CDON: variants seen among roughly 807,000 people sequenced by gnomAD.
CDON encodes cell adhesion associated, oncogene regulated.
A neutral mutation model predicts 120.9 loss-of-function variants in CDON; 73 were observed. The observed-to-expected ratio is 0.60, with a 90% CI of 0.50 to 0.73. CDON has a LOEUF of 0.73. Among genes scored for constraint, CDON ranks in the 30% least tolerant of loss-of-function variants. The probability of loss-of-function intolerance (pLI) is 0.00; values close to 1 mark genes in which losing one functional copy is unlikely to be tolerated. For missense variants in CDON, 1,470 were observed against 1,587.3 expected, an observed-to-expected ratio of 0.93 and a Z score of 1.26; for synonymous variants, 566 against 573.5, an observed-to-expected ratio of 0.99 and a Z score of 0.19.
chr11:125,976,804 T>C (rs745986274), intron 18 of CDON, among the ~76,000 whole-genome samples: 7 of 152,168 alleles, frequency 4.6e-5, no homozygotes, highest in Non-Finnish European at 8.8e-5. Flanking sequence ...TTGGGAGCAA[T>C]CTTACATTAC....
At chr11:126,056,740 G>C (rs1948690396) in intron 1 of CDON, among the ~76,000 whole-genome samples, 1 of 152,156 alleles carries the variant, frequency 6.6e-6, no homozygotes, top group African/African-American at 2.4e-5. Flanking sequence ...TATAGGCATA[G>C]CCTGACCACA....
intron 11 of CDON, among the ~76,000 whole-genome samples, chr11:125,999,458 T>C (rs548362313): frequency 3.9e-5 from 6 of 152,230 alleles, no homozygotes; most frequent in Non-Finnish European, 8.8e-5. Context: ...CCTCCTCATG[T>C]GTCAGTTTCC....
rs199733746 is a variant in CDON at position 126,001,800 on chromosome 11, T to C, written c.2077A>G (p.Ile693Val). The C allele has an allele frequency of 1.2e-6, 2 of 1,611,842 alleles. No individual in the cohort carries two copies. Among genetic ancestry groups the C allele is most frequent in the African/African-American group, 1.3e-5 (1 of 75,024 alleles). ...NTQASSPPVG[I>V]PKYPVVSEAA... ...TCTGAAACAACGGGATACTTAGGGA[T>C]GCCCACGGGTGGAGAGGATGCCTGG... The change falls in exon 11 of 20, where the codon ATC (isoleucine) becomes GTC (valine). Residue 693 changes from isoleucine to valine, a missense_variant. Transcript: ENST00000531738.
chr11:126,063,040 G>A (rs1246285688), upstream of CDON, among the ~76,000 whole-genome samples: 1 of 151,678 alleles, frequency 6.6e-6, no homozygotes, highest in African/African-American at 2.4e-5. Context: ...CCCGGCCGGA[G>A]TGTGCGCGCG....
At chr11:125,986,016 C>T (rs139767374) in intron 15 of CDON, among the ~76,000 whole-genome samples, 4,352 of 152,224 alleles carry the variant, frequency 0.029, 86 homozygotes, top group African/African-American at 0.052. Flanking sequence ...CACATGCACA[C>T]GTATGTTTAG....
intron 10 of CDON, among the ~76,000 whole-genome samples, chr11:126,002,826 C>A (rs1265950639): frequency 6.6e-6 from 1 of 152,172 alleles, no homozygotes. Flanking sequence ...GATGTGGACA[C>A]CCCGTTGTTC....
intron 10 of CDON, among the ~76,000 whole-genome samples, chr11:126,002,348 C>T (rs1443236561): frequency 2.0e-5 from 3 of 152,140 alleles, no homozygotes; most frequent in African/African-American, 7.2e-5. Flanking sequence ...CACCTAATGA[C>T]TGATTATGAA....
At chr11:125,968,059 G>T (rs2134369744) in intron 18 of CDON, among the ~76,000 whole-genome samples, 1 of 151,978 alleles carries the variant, frequency 6.6e-6, no homozygotes, top group Middle Eastern at 3.4e-3. Flanking sequence ...TATCAGATCA[G>T]AAAGAAAAGT....
chr11:126,030,657 G>GA (rs1353655250), intron 1 of CDON, among the ~76,000 whole-genome samples: 5 of 152,020 alleles, frequency 3.3e-5, no homozygotes, highest in South Asian at 4.1e-4. Context: ...GATCAGCTAA[G>GA]AAAAAATTAT....
rs563864497 is a variant in CDON at position 126,002,808 on chromosome 11, T to G, written c.2027-958A>C. Among the ~76,000 whole-genome samples, 3 of 152,306 alleles carry G rather than the reference T, an allele frequency of 2.0e-5. No individual in the cohort carries two copies. In the East Asian group the frequency reaches 5.8e-4, roughly 29 times the overall value. On this transcript the variant is annotated intron_variant, in intron 10 of 19. Transcript: ENST00000531738. ...CAAAGTCGTCCCAAGGTGGATGGTG[T>G]GCTGTGTGATGTGGACACCCCGTTG...
At position 125,981,963 on chromosome 11, in the gene CDON, C is replaced by CTTTTTTTTTTTTTT. The variant is rs1565501813; in HGVS notation, c.2996-635_2996-634insAAAAAAAAAAAAAA. On this transcript the variant is annotated intron_variant, in intron 16 of 19. Coordinates refer to ENST00000531738, the MANE Select transcript of CDON (RefSeq NM_001378964.1). ...GGAGTACCAAAGGCAAAAAGTGATT[C>CTTTTTTTTTTTTTT]TATTTTCTTTTTTTTTTTTTTTTTT... Among the ~76,000 whole-genome samples the CTTTTTTTTTTTTTT allele has an allele frequency of 2.3e-4, 8 of 34,146 alleles. 1 individual carries two copies. The highest frequency in any genetic ancestry group is 1.8e-3 in the Admixed American group (5 of 2,788). The allele number at this position is 34,146 out of a possible 152,430, so 22.4% of individuals were successfully genotyped here.
At chr11:125,979,851 T>C (rs1946246086) in intron 17 of CDON, among the ~76,000 whole-genome samples, 1 of 152,234 alleles carries the variant, frequency 6.6e-6, no homozygotes. Flanking sequence ...AGTGAAATCA[T>C]GATTCTCTTT....
At chr11:126,033,332 C>T (rs1161582029) in intron 1 of CDON, among the ~76,000 whole-genome samples, 1 of 151,918 alleles carries the variant, frequency 6.6e-6, no homozygotes, top group Non-Finnish European at 1.5e-5. Flanking sequence ...GTTGGGCAGG[C>T]AAGCAGAAAG....
intron 14 of CDON, among the ~76,000 whole-genome samples, chr11:125,991,692 T>C (rs915706123): frequency 6.6e-6 from 1 of 152,156 alleles, no homozygotes; most frequent in African/African-American, 2.4e-5. Context: ...GGATGAATAC[T>C]TCTGTTCCTG....
At chr11:125,985,152 T>C (rs1055034402) in intron 15 of CDON, among the ~76,000 whole-genome samples, 4 of 152,106 alleles carry the variant, frequency 2.6e-5, no homozygotes, top group East Asian at 3.9e-4. Context: ...TGTATGATTT[T>C]TACCTCCAAA....
At position 125,983,952 on chromosome 11, in the gene CDON, A is replaced by C; in HGVS notation, c.2915T>G (p.Val972Gly). The C allele has an allele frequency of 1.2e-6, 2 of 1,614,222 alleles. No homozygotes were observed. The highest frequency in any genetic ancestry group is 1.7e-6 in the Non-Finnish European group (2 of 1,180,042). Residue 972 changes from valine to glycine, a missense_variant, in exon 16 of 20, where the codon GTG becomes GGG. By Grantham distance (109) the Val-to-Gly change is moderately radical (BLOSUM62 -3). Transcript: ENST00000531738. ...SDMLYLIVGC[V>G]LGVMVLILMV... ...CAGAATGAGGACCATGACGCCCAGC[A>C]CACAGCCAACGATCAGATATAACAT...
chr11:126,039,499 C>T (rs943508558), intron 1 of CDON, among the ~76,000 whole-genome samples: 11 of 152,232 alleles, frequency 7.2e-5, no homozygotes, highest in South Asian at 2.1e-4. Flanking sequence ...TCACTCCAGA[C>T]GAATATAAAA....
intron 1 of CDON, among the ~76,000 whole-genome samples, chr11:126,033,620 A>G (rs1948010187): frequency 6.6e-6 from 1 of 152,220 alleles, no homozygotes; most frequent in African/African-American, 2.4e-5. Context: ...TCACACTGTT[A>G]TACCTTTCCA....
In CDON at chr11:126,012,933, G is replaced by A. The variant is rs896448688; in HGVS notation, c.1199-2239C>T. On this transcript the variant is annotated intron_variant, in intron 7 of 19. Transcript: ENST00000531738. The stretch of plus-strand genomic sequence containing the variant: ...TGCTGGTTAGGATTTCCAGTATAAT[G>A]ATGGCCAGAAGAGATTTTCAAAGGG... 2.0e-5 allele frequency among the ~76,000 whole-genome samples: 3 copies of A among 152,060 alleles called. No individual in the cohort carries two copies. The South Asian group carries it at 6.2e-4, about 32-fold the overall frequency.
Sources: gnomAD v4.1 joint callset for allele counts (sites outside exome capture counted in the v4.1 genomes callset) on GRCh38, gnomAD v4.1.1 for gene constraint, MANE v1.5 for transcripts, NCBI Gene and HGNC (gene_info 2026-07-23, HGNC 2026-07-21) for gene names.